PLXNA4: variants seen among roughly 807,000 people sequenced by gnomAD.
PLXNA4 encodes plexin-A4.
PLXNA4 carries 44 observed loss-of-function variants against 191.8 expected under a neutral mutation model. The ratio of observed to expected loss-of-function variants is 0.23; its 90% confidence interval spans 0.18 to 0.29. The LOEUF is 0.29. PLXNA4 is among the 10% of genes least tolerant of loss of function. The pLI, the probability that PLXNA4 is intolerant of heterozygous loss-of-function variation, is 1.00. For missense variants in PLXNA4, 1,800 were observed against 2,488.8 expected (o/e 0.72, Z 5.89); for synonymous variants, 1,082 against 1,009.5 (o/e 1.07, Z -1.36).
At chr7:132,465,055 T>C (rs1796647637) in intron 3 of PLXNA4, among the ~76,000 whole-genome samples, 3 of 152,142 alleles carry the variant, frequency 2.0e-5, no homozygotes, top group Admixed American at 1.3e-4. Flanking sequence ...GGAGGGTGAA[T>C]GATGAGGCAC....
At chr7:132,241,499 T>A (rs1018125426) in intron 4 of PLXNA4, among the ~76,000 whole-genome samples, 2 of 152,210 alleles carry the variant, frequency 1.3e-5, no homozygotes, top group African/African-American at 4.8e-5. Flanking sequence ...TCTCTACAAA[T>A]GGCCAATTCA....
chr7:132,202,473 C>A (rs1368438883), intron 12 of PLXNA4, among the ~76,000 whole-genome samples, 173 bp downstream of exon 12: 1 of 152,200 alleles, frequency 6.6e-6, no homozygotes, highest in Non-Finnish European at 1.5e-5. Context: ...CAAGCCTAAG[C>A]TTCTGGGGAA....
In PLXNA4 at chr7:132,631,425, A is replaced by T. The variant is rs530444094; in HGVS notation, c.-87+14503T>A. Among the ~76,000 whole-genome samples the T allele has an allele frequency of 9.2e-5, 14 of 152,310 alleles. 1 individual carries two copies. In the South Asian group the frequency reaches 2.9e-3, roughly 32 times the overall value. Reference sequence around the variant, plus strand: ...TACTTAACAAGTGTTTGATGAATCAACTGAACTGAATAATCTTGTAGGAAG... The same window carrying T: ...TACTTAACAAGTGTTTGATGAATCATCTGAACTGAATAATCTTGTAGGAAG... On this transcript the variant is annotated intron_variant, in intron 2 of 4. Transcript: ENST00000378539.
chr7:132,249,631 G>A (rs1799177806), intron 4 of PLXNA4, among the ~76,000 whole-genome samples: 1 of 152,234 alleles, frequency 6.6e-6, no homozygotes, highest in Admixed American at 6.5e-5. Flanking sequence ...AAAAGCCATA[G>A]CCCAGAGGGG....
At chr7:132,396,753 G>T (rs1441096873) in intron 3 of PLXNA4, among the ~76,000 whole-genome samples, 1 of 152,220 alleles carries the variant, frequency 6.6e-6, no homozygotes, top group East Asian at 1.9e-4. Flanking sequence ...CAGTCTCCCA[G>T]TGTGCTGGGA....
At chr7:132,548,441 T>A (rs1800402838) in intron 1 of PLXNA4, among the ~76,000 whole-genome samples, 1 of 151,936 alleles carries the variant, frequency 6.6e-6, no homozygotes, top group South Asian at 2.1e-4. Context: ...AGCCCAGGAG[T>A]GGGACATGGA....
intron 1 of PLXNA4, among the ~76,000 whole-genome samples, chr7:132,569,444 C>T (rs1801877546): frequency 6.6e-6 from 1 of 152,206 alleles, no homozygotes; most frequent in Non-Finnish European, 1.5e-5. Context: ...AAGGCCCAGG[C>T]CCTCCATAGT....
At chr7:132,172,543 C>T (rs1317963001) in intron 21 of PLXNA4, among the ~76,000 whole-genome samples, 1 of 151,090 alleles carries the variant, frequency 6.6e-6, no homozygotes, top group African/African-American at 2.5e-5. Context: ...ATACTTAGAA[C>T]ACCAAGGGGG....
intron 2 of PLXNA4, among the ~76,000 whole-genome samples, chr7:132,595,731 T>G (rs7811433): frequency 6.6e-6 from 1 of 152,124 alleles, no homozygotes; most frequent in African/African-American, 2.4e-5. Flanking sequence ...CATTCTTTCT[T>G]CCCCCAAGTA....
chr7:132,446,066 G>A (rs928246089), intron 3 of PLXNA4, among the ~76,000 whole-genome samples: 8 of 152,302 alleles, frequency 5.3e-5, no homozygotes, highest in South Asian at 4.1e-4. Context: ...GGCCCAAGGC[G>A]GGGCAAGACT....
At chr7:132,397,145 A>G (rs1793800862) in intron 3 of PLXNA4, among the ~76,000 whole-genome samples, 1 of 152,250 alleles carries the variant, frequency 6.6e-6, no homozygotes, top group African/African-American at 2.4e-5. Context: ...TACAAATACT[A>G]GAAGATAAAA....
intron 3 of PLXNA4, among the ~76,000 whole-genome samples, chr7:132,299,445 G>GCT (rs1474065561): frequency 6.6e-6 from 1 of 152,030 alleles, no homozygotes; most frequent in African/African-American, 2.4e-5. Flanking sequence ...CCCCCAGAAG[G>GCT]CTCCCACCTT....
chr7:132,265,662 A>C (rs956584855), intron 4 of PLXNA4, among the ~76,000 whole-genome samples: 6 of 152,166 alleles, frequency 3.9e-5, no homozygotes, highest in Admixed American at 3.3e-4. Flanking sequence ...TACCTTGTGT[A>C]GCAGAAGCGA....
chr7:132,550,089 A>T (rs1250779602), intron 1 of PLXNA4, among the ~76,000 whole-genome samples: 1 of 152,180 alleles, frequency 6.6e-6, no homozygotes, highest in Non-Finnish European at 1.5e-5. Flanking sequence ...CTATAAGGCT[A>T]GGGCTATACC....
At chr7:132,212,671 G>A (rs1797841339) in intron 9 of PLXNA4, among the ~76,000 whole-genome samples, 1 of 152,062 alleles carries the variant, frequency 6.6e-6, no homozygotes, top group African/African-American at 2.4e-5. Flanking sequence ...AGAGGCAGGG[G>A]AAATGGAAGC....
chr7:132,586,011 C>T (rs182763309), intron 2 of PLXNA4, among the ~76,000 whole-genome samples: 8 of 152,246 alleles, frequency 5.3e-5, no homozygotes, highest in East Asian at 3.9e-4. Context: ...ATCAAGGAAA[C>T]GTAAGAGAGA....
rs922543044 is a variant in PLXNA4, at chr7:132,523,576, A to T, written c.-86-14797T>A. On this transcript the variant is annotated intron_variant, in intron 1 of 31. Coordinates refer to ENST00000321063, the MANE Select transcript of PLXNA4 (RefSeq NM_020911.2). Reference sequence around the variant, plus strand: ...TGCCGGAGGGTATATTCCAAATGGCAGGAAAAGCCATGAAAAACTTCTAAG... The same window carrying T: ...TGCCGGAGGGTATATTCCAAATGGCTGGAAAAGCCATGAAAAACTTCTAAG... Among the ~76,000 whole-genome samples, 16 of 152,350 alleles carry T rather than the reference A, an allele frequency of 1.1e-4. 1 individual carries two copies. In the South Asian group the frequency reaches 3.1e-3, roughly 30 times the overall value.
At chr7:132,462,757 A>T (rs967879200) in intron 3 of PLXNA4, among the ~76,000 whole-genome samples, 2 of 151,798 alleles carry the variant, frequency 1.3e-5, no homozygotes, top group Non-Finnish European at 2.9e-5. Context: ...TAATTTTTTG[A>T]AGATGATAGA....
chr7:132,429,578 A>G (rs906632421), intron 3 of PLXNA4, among the ~76,000 whole-genome samples: 1 of 152,204 alleles, frequency 6.6e-6, no homozygotes, highest in Non-Finnish European at 1.5e-5. Flanking sequence ...ACATGCCATG[A>G]TATATTGTTC....
Sources: gnomAD v4.1 joint callset for allele counts (sites outside exome capture counted in the v4.1 genomes callset) on GRCh38, gnomAD v4.1.1 for gene constraint, MANE v1.5 for transcripts, NCBI Gene and HGNC (gene_info 2026-07-23, HGNC 2026-07-21) for gene names.